ODAD1: variants seen among roughly 807,000 people sequenced by gnomAD.
The protein encoded by ODAD1 is outer dynein arm docking complex subunit 1, also known as outer dynein arm-docking complex subunit 1.
In ODAD1, 49 loss-of-function variants were observed where a neutral mutation model predicts 67.2. The ratio of observed to expected loss-of-function variants is 0.73; its 90% CI spans 0.58 to 0.92. ODAD1 has a LOEUF of 0.92. Among genes scored for constraint, ODAD1 ranks in the 40% least tolerant of loss-of-function variants. The pLI is 0.00. For synonymous variants in ODAD1, 345 were observed against 393.7 expected, an observed-to-expected ratio of 0.88 and a Z score of 1.46; for missense variants, 897 against 953.7, an observed-to-expected ratio of 0.94 and a Z score of 0.78.
chr19:48,310,333 A>C (rs1251587057), intron 7 of ODAD1, among the ~76,000 whole-genome samples: 1 of 152,194 alleles, frequency 6.6e-6, no homozygotes, highest in Non-Finnish European at 1.5e-5. Flanking sequence ...GGAGAAAAAA[A>C]AGCCCAAGGG....
At chr19:48,315,758 G>C (rs777941906) in intron 5 of ODAD1, among the ~76,000 whole-genome samples, 92 of 152,130 alleles carry the variant, frequency 6.0e-4, no homozygotes, top group Non-Finnish European at 1.1e-3. Context: ...GTATAGTAAG[G>C]ACTCTTTTGG....
intron 5 of ODAD1, among the ~76,000 whole-genome samples, chr19:48,312,479 C>T (rs538682541): frequency 1.4e-5 from 2 of 139,750 alleles, no homozygotes; most frequent in South Asian, 2.3e-4. Context: ...TGCAGTGGCG[C>T]GATCTTGGCT....
At chr19:48,306,161 T>C in intron 8 of ODAD1, 95 bp downstream of exon 8, 1 of 1,511,762 alleles carries the variant, frequency 6.6e-7, no homozygotes, top group Non-Finnish European at 8.9e-7. Context: ...TTCTGACGTG[T>C]TTCATGAGTC....
At chr19:48,301,771 C>A (rs1173179801) in intron 12 of ODAD1, among the ~76,000 whole-genome samples, 1 of 145,244 alleles carries the variant, frequency 6.9e-6, no homozygotes, top group Non-Finnish European at 1.5e-5. Flanking sequence ...GAGGGATAGA[C>A]CCTGCATGGA....
chr19:48,313,015 G>A (rs1452599025), intron 5 of ODAD1, among the ~76,000 whole-genome samples: 5 of 152,182 alleles, frequency 3.3e-5, no homozygotes. Flanking sequence ...ACAGAGTCTT[G>A]TGTTTTCTCC....
At chr19:48,312,180 G>A (rs1186107591) in intron 5 of ODAD1, 64 bp from the exon 6 acceptor site, 6 of 1,292,188 alleles carry the variant, frequency 4.6e-6, no homozygotes, top group Non-Finnish European at 6.5e-6. Context: ...GAATGGCCCA[G>A]GGAAAATGAG....
At chr19:48,301,858 G>C (rs1968471361) in intron 12 of ODAD1, among the ~76,000 whole-genome samples, 1 of 148,648 alleles carries the variant, frequency 6.7e-6, no homozygotes, top group South Asian at 2.1e-4. Context: ...TGGATGGATG[G>C]ATGGATATAC....
rs1968504443 is a variant in ODAD1 at position 48,302,808 on chromosome 19, G to A, written c.1126C>T (p.Gln376Ter). The A allele has an allele frequency of 6.2e-7, 1 of 1,614,034 alleles. No homozygotes were observed. The highest frequency in any genetic ancestry group is 8.5e-7 in the Non-Finnish European group (1 of 1,180,014). ...RASKDDQHLL[Q>*]EQQQKVLQQR... ...TGCAACACCTTCTGCTGCTGCTCCT[G>A]CAGCAAATGCTGGTCATCCTTGCTG... The change falls in exon 12 of 16, where the codon CAG becomes TAG. Residue 376 changes from glutamine to a stop codon, truncating the protein, a stop_gained. Transcript: ENST00000674294. LOFTEE classifies it high-confidence loss of function.
At position 48,303,242 on chromosome 19, in the gene ODAD1, G is replaced by A. The variant is rs540197684; in HGVS notation, c.989-147C>T. The A allele has an allele frequency of 9.2e-5, 63 of 686,084 alleles. No homozygotes were observed. The East Asian group carries it at 1.7e-3, about 18-fold the overall frequency. 42.5% of individuals were successfully genotyped at this position (686,084 alleles called of 1,614,324 possible). ...AAACCAAGGCAGAGAGACGAACAGA[G>A]AGGAGTCACAGAGACAAAGAGGTGT... On this transcript the variant is annotated intron_variant, in intron 10 of 15. Coordinates refer to ENST00000674294, the MANE Select transcript of ODAD1 (RefSeq NM_001364171.2).
chr19:48,318,324 G>C, intron 5 of ODAD1, 63 bp downstream of exon 5: 1 of 1,402,490 alleles, frequency 7.1e-7, no homozygotes, highest in Non-Finnish European at 9.8e-7. Context: ...GGAAGCTAAG[G>C]CTCAGGGAGG....
chr19:48,312,210 T>C (rs1354919353), intron 5 of ODAD1, 94 bp from the exon 6 acceptor site: 6 of 899,624 alleles, frequency 6.7e-6, no homozygotes, highest in Non-Finnish European at 8.6e-6. Context: ...ATGGCAAACA[T>C]CTGCTGTCCC....
chr19:48,318,780 A>C lies in ODAD1; in HGVS notation c.103T>G (p.Cys35Gly). Reference sequence around the variant, plus strand: ...CGCCTCTCCCCTTCCATCACTTTGCATTGTCGCTGCAGCCTACTCAGCTCC... The same window carrying C: ...CGCCTCTCCCCTTCCATCACTTTGCCTTGTCGCTGCAGCCTACTCAGCTCC... ...DWELSRLQRQ[C>G]KVMEGERRAY... The change falls in exon 4 of 16, where the codon TGC (cysteine) becomes GGC (glycine). Residue 35 changes from cysteine (C) to glycine (G), a missense_variant. Transcript: ENST00000674294. 1 of 1,550,982 alleles carries C rather than the reference A, an allele frequency of 6.4e-7. No homozygotes were observed. Among genetic ancestry groups the C allele is most frequent in the Non-Finnish European group, 8.7e-7 (1 of 1,146,742 alleles).
At chr19:48,318,860 G>C (rs954353076) in intron 3 of ODAD1, 48 bp from the exon 4 acceptor site, 1 of 1,212,924 alleles carries the variant, frequency 8.2e-7, no homozygotes, top group African/African-American at 1.5e-5. Flanking sequence ...CTGGCCACCA[G>C]CTCCTCCCAA....
At chr19:48,311,309 T>C (rs1222576902) in intron 7 of ODAD1, among the ~76,000 whole-genome samples, 1 of 152,210 alleles carries the variant, frequency 6.6e-6, no homozygotes, top group Admixed American at 6.6e-5. Context: ...TGCTCATAGA[T>C]TGCCCTGGGT....
At chr19:48,311,454 T>C (rs1968759549) in intron 7 of ODAD1, 99 bp downstream of exon 7, 3 of 711,470 alleles carry the variant, frequency 4.2e-6, no homozygotes, top group South Asian at 3.1e-5. Context: ...GTCAATCCCA[T>C]ACTTGAGGCC....
At position 48,302,634 on chromosome 19, in the gene ODAD1, T is replaced by A. The variant is rs566131395; in HGVS notation, c.1240+60A>T. 3.4e-6 allele frequency: 5 copies of A among 1,465,766 alleles called. No individual in the cohort carries two copies. The African/African-American group carries it at 5.5e-5, about 16-fold the overall frequency. 90.8% of individuals were successfully genotyped at this position (1,465,766 alleles called of 1,614,324 possible). The stretch of plus-strand genomic sequence containing the variant: ...TGCAATGCCTCCAAGCCCCGCGGGC[T>A]GATGGTGTCCTTCCAAGTGGAGAAG... On this transcript the variant is annotated intron_variant, in intron 12 of 15. Transcript: ENST00000674294.
At chr19:48,298,878 A>G (rs1968380223) in intron 12 of ODAD1, among the ~76,000 whole-genome samples, 1 of 152,176 alleles carries the variant, frequency 6.6e-6, no homozygotes, top group South Asian at 2.1e-4. Flanking sequence ...ATCACCTAGC[A>G]CAGGGCTCGG....
chr19:48,311,510 G>A (rs1023104247), intron 7 of ODAD1, 43 bp downstream of exon 7: 12 of 1,155,262 alleles, frequency 1.0e-5, no homozygotes, highest in African/African-American at 7.7e-5. Context: ...GAGGACCTGC[G>A]CAGGGGTCCC....
At chr19:48,315,709 G>A (rs1968880326) in intron 5 of ODAD1, among the ~76,000 whole-genome samples, 5 of 152,088 alleles carry the variant, frequency 3.3e-5, no homozygotes, top group Admixed American at 3.3e-4. Flanking sequence ...TGTCACTATA[G>A]ATTGGTTTGA....
Sources: gnomAD v4.1 joint callset for allele counts (sites outside exome capture counted in the v4.1 genomes callset) on GRCh38, gnomAD v4.1.1 for gene constraint, MANE v1.5 for transcripts, NCBI Gene and HGNC (gene_info 2026-07-23, HGNC 2026-07-21) for gene names.